Variants in KCTD1 observed in about 807,000 individuals in gnomAD.
The protein encoded by KCTD1 is BTB/POZ domain-containing protein KCTD1.
A neutral mutation model predicts 66.0 loss-of-function variants in KCTD1; 24 were observed. The ratio of observed to expected loss-of-function variants is 0.36; its 90% CI spans 0.26 to 0.51. The LOEUF (loss-of-function observed/expected upper bound fraction) is 0.51. KCTD1 is among the 20% of genes least tolerant of loss of function. The probability of loss-of-function intolerance (pLI) is 0.95; values close to 1 mark genes in which losing one functional copy is unlikely to be tolerated. For missense variants in KCTD1, 943 were observed against 1,205.2 expected, an observed-to-expected ratio of 0.78 and a Z score of 3.22; for synonymous variants, 511 against 517.2, an observed-to-expected ratio of 0.99 and a Z score of 0.16.
At chr18:26,602,286 G>A (rs1038902791) in intron 1 of KCTD1, among the ~76,000 whole-genome samples, 10 of 152,188 alleles carry the variant, frequency 6.6e-5, no homozygotes, top group East Asian at 1.9e-4. Context: ...TAAACCAACC[G>A]TGTCTTCTTG....
At chr18:26,490,917 T>C (rs1173396145) in intron 2 of KCTD1, among the ~76,000 whole-genome samples, 1 of 152,040 alleles carries the variant, frequency 6.6e-6, no homozygotes, top group Non-Finnish European at 1.5e-5. Context: ...CATGCCCAGC[T>C]AATTTTTGTA....
intron 1 of KCTD1, among the ~76,000 whole-genome samples, chr18:26,647,685 A>C (rs1421980498): frequency 3.3e-5 from 5 of 152,026 alleles, no homozygotes; most frequent in Non-Finnish European, 7.4e-5. Context: ...TCCATCCCAG[A>C]CTTGGAATGG....
rs547089511 is a variant in KCTD1, at chr18:26,513,290, C to T, written c.1810-12040G>A. 4.4e-3 allele frequency among the ~76,000 whole-genome samples: 669 copies of T among 151,504 alleles called. 5 individuals are homozygous for T. Among genetic ancestry groups the T allele is most frequent in the African/African-American group, 0.015 (621 of 41,314 alleles). On this transcript the variant is annotated intron_variant, in intron 1 of 4. Transcript: ENST00000580059. ...TTTTAGTAGAGACGGGGTTTCATCG[C>T]GTTAGCCAGGATGGTCTCCATCTCC...
In KCTD1 at chr18:26,609,702, C is replaced by G. The variant is rs550095017; in HGVS notation, c.-16+19445G>C. Reference sequence around the variant, plus strand: ...TTAACATGTCTGCCCATCTAACCACCAGTAGGATTTTCTGTTTTCTCAGTG... The same window carrying G: ...TTAACATGTCTGCCCATCTAACCACGAGTAGGATTTTCTGTTTTCTCAGTG... On this transcript the variant is annotated intron_variant, in intron 1 of 4. Coordinates refer to the KCTD1 transcript ENST00000317932. Among the ~76,000 whole-genome samples the G allele has an allele frequency of 1.3e-3, 202 of 152,302 alleles. 2 individuals carry two copies. The highest frequency in any genetic ancestry group is 4.8e-3 in the African/African-American group (199 of 41,558).
intron 2 of KCTD1, among the ~76,000 whole-genome samples, chr18:26,493,148 A>G (rs969169245): frequency 2.0e-5 from 3 of 152,144 alleles, no homozygotes; most frequent in Non-Finnish European, 4.4e-5. Flanking sequence ...GGGTTAAGTG[A>G]GAAGTTACTG....
rs1598933397 is a variant in KCTD1 at position 26,546,839 on chromosome 18, C to T, written c.1698G>A (p.Val566=). 6.6e-6 allele frequency: 10 copies of T among 1,525,616 alleles called. No homozygotes were observed. In the East Asian group the frequency reaches 2.4e-4, roughly 37 times the overall value. The allele number at this position is 1,525,616 out of a possible 1,614,324, so 94.5% of individuals were successfully genotyped here. Residue 566 remains valine, a synonymous_variant, in exon 1 of 5, where the codon GTG becomes GTA. Transcript: ENST00000580059. ...CIRPSEPVDA[V]VVVSVKHDPL... ...GGTCGTGTTTCACGGAAACCACCAC[C>T]ACCGCATCCACAGGCTCCGAGGGGC... is the stretch of plus-strand genomic sequence containing the variant.
At chr18:26,654,881 T>C (rs1330502271) in intron 1 of KCTD1, among the ~76,000 whole-genome samples, 1 of 152,172 alleles carries the variant, frequency 6.6e-6, no homozygotes, top group Non-Finnish European at 1.5e-5. Context: ...GACTCCCGAG[T>C]CAAACTGTTG....
At chr18:26,651,425 C>T (rs764495453) in intron 1 of KCTD1, among the ~76,000 whole-genome samples, 1 of 152,124 alleles carries the variant, frequency 6.6e-6, no homozygotes, top group Non-Finnish European at 1.5e-5. Context: ...ATCCTCCAGG[C>T]AAGAGGAGGT....
intron 1 of KCTD1, among the ~76,000 whole-genome samples, chr18:26,649,583 A>G (rs1987990711): frequency 1.3e-5 from 2 of 151,960 alleles, no homozygotes; most frequent in South Asian, 4.2e-4. Flanking sequence ...ATCTCAGCTC[A>G]CTGCAACCTC....
intron 2 of KCTD1, among the ~76,000 whole-genome samples, chr18:26,495,281 C>T (rs773026188): frequency 1.3e-5 from 2 of 152,168 alleles, no homozygotes; most frequent in Admixed American, 6.5e-5. Context: ...GGCTGGCATA[C>T]AACAGTTACA....
chr18:26,530,121 C>T (rs773046650), intron 1 of KCTD1, among the ~76,000 whole-genome samples: 1 of 152,124 alleles, frequency 6.6e-6, no homozygotes, highest in African/African-American at 2.4e-5. Context: ...CATTTATTCC[C>T]TTAATATTTC....
intron 2 of KCTD1, among the ~76,000 whole-genome samples, chr18:26,496,981 C>T (rs1982509946): frequency 6.6e-6 from 1 of 152,090 alleles, no homozygotes. Flanking sequence ...TTTTATTGGT[C>T]TGGAGCAGGG....
chr18:26,592,174 G>A (rs984982288), intron 1 of KCTD1, among the ~76,000 whole-genome samples: 1 of 152,106 alleles, frequency 6.6e-6, no homozygotes, highest in East Asian at 1.9e-4. Flanking sequence ...CATCTCTTAA[G>A]AGTAGAATTG....
At chr18:26,575,776 T>C (rs1298967485) in intron 1 of KCTD1, 1 of 152,230 alleles carries the variant, frequency 6.6e-6, no homozygotes. Flanking sequence ...TCAGAAACTT[T>C]AGCGTGCTAT....
intron 3 of KCTD1, among the ~76,000 whole-genome samples, chr18:26,464,426 C>A (rs1472088396): frequency 6.6e-6 from 1 of 152,252 alleles, no homozygotes; most frequent in African/African-American, 2.4e-5. Context: ...ATCCTCCCAT[C>A]TCAAGACCCT....
intron 3 of KCTD1, among the ~76,000 whole-genome samples, chr18:26,460,314 A>G (rs1980350472): frequency 6.6e-6 from 1 of 152,214 alleles, no homozygotes; most frequent in Admixed American, 6.5e-5. Flanking sequence ...GGGTATTTCA[A>G]GTTTGATTGT....
chr18:26,475,607 T>C (rs915608563), intron 3 of KCTD1, among the ~76,000 whole-genome samples: 1 of 152,176 alleles, frequency 6.6e-6, no homozygotes, highest in African/African-American at 2.4e-5. Flanking sequence ...TCCCAGCACT[T>C]TGGGAGGCTG....
intron 3 of KCTD1, among the ~76,000 whole-genome samples, chr18:26,460,535 G>C (rs1309999950): frequency 6.6e-6 from 1 of 152,136 alleles, no homozygotes; most frequent in Non-Finnish European, 1.5e-5. Flanking sequence ...CCTAGGTGTT[G>C]ATTTGTGATG....
At chr18:26,531,614 T>C (rs1984438139) in intron 1 of KCTD1, among the ~76,000 whole-genome samples, 1 of 152,222 alleles carries the variant, frequency 6.6e-6, no homozygotes, top group Non-Finnish European at 1.5e-5. Context: ...TTTGATCTAA[T>C]TTAGAAGCAT....
Sources: gnomAD v4.1 joint callset for allele counts (sites outside exome capture counted in the v4.1 genomes callset) on GRCh38, gnomAD v4.1.1 for gene constraint, MANE v1.5 for transcripts, NCBI Gene and HGNC (gene_info 2026-07-23, HGNC 2026-07-21) for gene names.